NRG1: variants seen among roughly 807,000 people sequenced by gnomAD.
NRG1 encodes neuregulin 1, also known as pro-neuregulin-1, membrane-bound isoform.
Under a neutral mutation model 63.8 loss-of-function variants are expected in NRG1, and 18 were observed. The observed-to-expected ratio is 0.28, with a 90% confidence interval of 0.19 to 0.42. The LOEUF (loss-of-function observed/expected upper bound fraction) is 0.42, where lower values mean the gene tolerates loss of function less well. Ranked by LOEUF, NRG1 falls within the 10% of genes least tolerant of loss-of-function variation. NRG1 has a pLI of 1.00. For synonymous variants in NRG1, 302 were observed against 301.3 expected (o/e 1.00, Z -0.02); for missense variants, 762 against 814.7 (o/e 0.94, Z 0.79).
chr8:32,640,274 C>CACACACACACACAT (rs1491127735), intron 5 of NRG1, among the ~76,000 whole-genome samples: 2 of 149,420 alleles, frequency 1.3e-5, no homozygotes, highest in African/African-American at 5.0e-5. Flanking sequence ...CACACACACA[C>CACACACACACACAT]GCACGCACAC....
At chr8:31,755,868 G>A (rs1193560037) in intron 1 of NRG1, among the ~76,000 whole-genome samples, 2 of 152,042 alleles carry the variant, frequency 1.3e-5, no homozygotes, top group African/African-American at 4.8e-5. Context: ...TGCTCCAGAA[G>A]GCTTTATTTG....
intron 1 of NRG1, among the ~76,000 whole-genome samples, chr8:31,811,605 T>C (rs1254094624): frequency 6.6e-6 from 1 of 152,224 alleles, no homozygotes; most frequent in Non-Finnish European, 1.5e-5. Context: ...TTAACAAATG[T>C]AGCTACACAT....
At chr8:31,651,760 G>A (rs1227051720) in intron 1 of NRG1, among the ~76,000 whole-genome samples, 1 of 152,156 alleles carries the variant, frequency 6.6e-6, no homozygotes, top group Non-Finnish European at 1.5e-5. Context: ...GGCAGGATGG[G>A]CAGGGCTTAG....
intron 1 of NRG1, among the ~76,000 whole-genome samples, chr8:32,222,034 TACACAC>T (rs202206585): frequency 6.7e-4 from 99 of 148,670 alleles, no homozygotes; most frequent in East Asian, 3.6e-3. Flanking sequence ...GAAACATACA[TACACAC>T]ACACACACAC....
At chr8:32,130,083 C>T (rs539773814) in intron 1 of NRG1, among the ~76,000 whole-genome samples, 3 of 151,838 alleles carry the variant, frequency 2.0e-5, no homozygotes, top group Admixed American at 6.6e-5. Context: ...GGCAGTTTAA[C>T]GTCATCGTTT....
chr8:32,647,687 A>G (rs773149062), intron 5 of NRG1: 7 of 1,520,184 alleles, frequency 4.6e-6, no homozygotes, highest in Non-Finnish European at 6.2e-6. Flanking sequence ...GGACCGTGAG[A>G]GCGGCCAGGC....
intron 1 of NRG1, among the ~76,000 whole-genome samples, chr8:31,945,514 T>G (rs1161449983): frequency 6.6e-6 from 1 of 152,086 alleles, no homozygotes; most frequent in Admixed American, 6.5e-5. Flanking sequence ...GAGAATTGAG[T>G]AGAGATAAAT....
intron 1 of NRG1, among the ~76,000 whole-genome samples, chr8:32,565,611 A>G (rs1038891100): frequency 7.9e-5 from 12 of 152,246 alleles, no homozygotes; most frequent in Non-Finnish European, 1.8e-4. Flanking sequence ...TTTTCATTTC[A>G]AGGACTGTTT....
At chr8:32,017,678 T>C (rs1025829141) in intron 1 of NRG1, among the ~76,000 whole-genome samples, 1 of 152,174 alleles carries the variant, frequency 6.6e-6, no homozygotes, top group Non-Finnish European at 1.5e-5. Flanking sequence ...AAGACGTGAC[T>C]CAGTTTGTTG....
At chr8:31,856,917 G>A (rs1459898362) in intron 1 of NRG1, among the ~76,000 whole-genome samples, 1 of 152,174 alleles carries the variant, frequency 6.6e-6, no homozygotes, top group Non-Finnish European at 1.5e-5. Flanking sequence ...CTCCCAGTTA[G>A]GCTGCTCGGG....
At chr8:31,732,494 TA>T (rs1016173685) in intron 1 of NRG1, among the ~76,000 whole-genome samples, 1 of 152,122 alleles carries the variant, frequency 6.6e-6, no homozygotes, top group Non-Finnish European at 1.5e-5. Flanking sequence ...GTTATTTTTT[TA>T]AAAAAATTAT....
intron 1 of NRG1, among the ~76,000 whole-genome samples, chr8:32,254,132 A>G (rs1350734222): frequency 1.3e-5 from 2 of 152,028 alleles, no homozygotes; most frequent in Admixed American, 1.3e-4. Context: ...AATCTTTTCA[A>G]AAAACCAGCT....
intron 1 of NRG1, among the ~76,000 whole-genome samples, chr8:32,405,702 A>G (rs956034442): frequency 6.6e-6 from 1 of 152,116 alleles, no homozygotes; most frequent in Non-Finnish European, 1.5e-5. Flanking sequence ...TTCCTATACA[A>G]TTTTCAAATC....
chr8:31,757,098 A>C (rs1817046273), intron 1 of NRG1, among the ~76,000 whole-genome samples: 1 of 152,186 alleles, frequency 6.6e-6, no homozygotes, highest in Admixed American at 6.6e-5. Flanking sequence ...ATAAAGCCAC[A>C]TCTCTGGGAT....
chr8:31,865,615 G>A (rs1828887573), intron 1 of NRG1, among the ~76,000 whole-genome samples: 1 of 152,006 alleles, frequency 6.6e-6, no homozygotes, highest in African/African-American at 2.4e-5. Flanking sequence ...TTTATAACAG[G>A]GTTTTCCTCC....
chr8:32,709,102 C>T (rs1817164994), intron 5 of NRG1, among the ~76,000 whole-genome samples: 2 of 152,178 alleles, frequency 1.3e-5, no homozygotes, highest in Non-Finnish European at 2.9e-5. Flanking sequence ...ACATTAAACA[C>T]TCTTCCTAAT....
chr8:31,948,077 C>T lies in NRG1; in HGVS notation c.37+308646C>T, dbSNP rs532422171. ...ATTTAACAACTGGAATGTGTGTGTG[C>T]GCATGCACATATACACACATATGCA... is the stretch of plus-strand genomic sequence containing the variant. On this transcript the variant is annotated intron_variant, in intron 1 of 10. Transcript: ENST00000519301. 8.6e-5 allele frequency among the ~76,000 whole-genome samples: 13 copies of T among 150,900 alleles called. No individual in the cohort carries two copies. In the South Asian group the frequency reaches 1.1e-3, roughly 12 times the overall value.
intron 1 of NRG1, among the ~76,000 whole-genome samples, chr8:32,540,004 C>G (rs1271636106): frequency 6.6e-6 from 1 of 152,066 alleles, no homozygotes; most frequent in East Asian, 1.9e-4. Context: ...AGACAGAGTC[C>G]TTGAACTGAT....
chr8:31,926,252 T>C (rs1360819563), intron 1 of NRG1, among the ~76,000 whole-genome samples: 2 of 152,108 alleles, frequency 1.3e-5, no homozygotes, highest in African/African-American at 2.4e-5. Context: ...TTTTTCTTTA[T>C]AGGTCCCAAA....
Sources: gnomAD v4.1 joint callset for allele counts (sites outside exome capture counted in the v4.1 genomes callset) on GRCh38, gnomAD v4.1.1 for gene constraint, MANE v1.5 for transcripts, NCBI Gene and HGNC (gene_info 2026-07-23, HGNC 2026-07-21) for gene names.